The following CASP5 variants were observed in gnomAD, a reference collection of about 807,000 sequenced individuals.
The protein encoded by CASP5 is caspase 5, also known as caspase-5.
Under a neutral mutation model 45.2 loss-of-function variants are expected in CASP5, and 42 were observed. That is an observed-to-expected ratio of 0.93 (90% CI 0.73 to 1.20). The LOEUF (loss-of-function observed/expected upper bound fraction) is 1.20. CASP5 is among the 50% of genes most tolerant of loss of function. CASP5 has a pLI of 0.00. For missense variants in CASP5, 512 were observed against 532.2 expected (o/e 0.96, Z 0.37); for synonymous variants, 209 against 186.2 (o/e 1.12, Z -1.00).
chr11:105,013,799 A>G (rs1862461460), intron 1 of CASP5, among the ~76,000 whole-genome samples: 2 of 151,934 alleles, frequency 1.3e-5, no homozygotes, highest in Admixed American at 1.3e-4. Context: ...TCCATCCTTC[A>G]TTTGCTCCTC....
chr11:105,015,620 C>G (rs1201108698), intron 1 of CASP5, among the ~76,000 whole-genome samples: 1 of 152,122 alleles, frequency 6.6e-6, no homozygotes, highest in African/African-American at 2.4e-5. Context: ...TTTCTCCTAT[C>G]TATTATCTAA....
At position 105,017,030 on chromosome 11, in the gene CASP5, C is replaced by T. The variant is rs1311320409; in HGVS notation, c.7+6100G>A. Among the ~76,000 whole-genome samples, 4 of 151,668 alleles carry T rather than the reference C, an allele frequency of 2.6e-5. No homozygotes were observed. In the South Asian group the frequency reaches 6.2e-4, roughly 24 times the overall value. On this transcript the variant is annotated intron_variant, in intron 1 of 9. Coordinates refer to ENST00000260315, the MANE Select transcript of CASP5 (RefSeq NM_004347.5). Reference sequence around the variant, plus strand: ...CCCCGAGCAGCCTAACTGGGAGGCACCCCCCAGCAGGGGCAGACTGACACC... The same window carrying T: ...CCCCGAGCAGCCTAACTGGGAGGCATCCCCCAGCAGGGGCAGACTGACACC...
intron 1 of CASP5, among the ~76,000 whole-genome samples, chr11:105,019,397 A>T (rs1279349498): frequency 6.6e-6 from 1 of 150,396 alleles, no homozygotes; most frequent in Non-Finnish European, 1.5e-5. Flanking sequence ...AACAAAATTC[A>T]TAGACCGCTA....
intron 3 of CASP5, among the ~76,000 whole-genome samples, chr11:105,003,937 G>T (rs1861877311): frequency 6.6e-6 from 1 of 151,432 alleles, no homozygotes; most frequent in Non-Finnish European, 1.5e-5. Flanking sequence ...AGTTATGTCT[G>T]GTGGCTACAA....
intron 1 of CASP5, among the ~76,000 whole-genome samples, chr11:105,009,704 GATATATATATACACACATATATATATAT>G (rs1565387508): frequency 6.1e-5 from 6 of 98,468 alleles, no homozygotes; most frequent in African/African-American, 1.9e-4. Context: ...TTTACCAGGA[GATATATATATACACACATATATATATAT>G]ATATATATAT....
At position 105,002,210 on chromosome 11, in the gene CASP5, GAT is replaced by G; in HGVS notation, c.544-11_544-10del. The G allele has an allele frequency of 1.2e-6, 2 of 1,612,322 alleles. No individual in the cohort carries two copies. Among genetic ancestry groups the G allele is most frequent in the Non-Finnish European group, 1.7e-6 (2 of 1,179,238 alleles). On this transcript the variant is annotated splice_polypyrimidine_tract_variant and intron_variant, in intron 4 of 9. Transcript: ENST00000260315. ...TTTTTTATTGGATAGATCTGCAGGA[GAT>G]GGAGATGAAGCAACTTTGATTACCC...
intron 1 of CASP5, among the ~76,000 whole-genome samples, chr11:105,019,602 C>G (rs1005451742): frequency 4.0e-5 from 6 of 149,470 alleles, no homozygotes; most frequent in Non-Finnish European, 7.4e-5. Flanking sequence ...CAAGACTAAA[C>G]CAGGAAGAAG....
chr11:105,009,318 T>G (rs1157762894), intron 1 of CASP5, among the ~76,000 whole-genome samples: 1 of 151,870 alleles, frequency 6.6e-6, no homozygotes, highest in Non-Finnish European at 1.5e-5. Flanking sequence ...CTGAAGTGTG[T>G]GCACCCAGGA....
intron 9 of CASP5, chr11:104,995,089 C>T (rs1281464774): frequency 2.6e-5 from 4 of 152,224 alleles, no homozygotes; most frequent in Non-Finnish European, 2.9e-5. Context: ...ACCTGGTATT[C>T]AATCTGCGAG....
chr11:105,013,162 A>G (rs1862435213), intron 1 of CASP5, among the ~76,000 whole-genome samples: 1 of 152,070 alleles, frequency 6.6e-6, no homozygotes, highest in Non-Finnish European at 1.5e-5. Flanking sequence ...AAATAAGCCA[A>G]GCTGGGCACC....
At chr11:104,996,861 T>C (rs1225807159) in intron 8 of CASP5, among the ~76,000 whole-genome samples, 1 of 152,184 alleles carries the variant, frequency 6.6e-6, no homozygotes, top group African/African-American at 2.4e-5. Context: ...AAACCTTCCC[T>C]TCTGCCCTTT....
At chr11:105,010,426 T>G (rs1401124041) in intron 1 of CASP5, among the ~76,000 whole-genome samples, 1 of 137,686 alleles carries the variant, frequency 7.3e-6, no homozygotes, top group East Asian at 2.0e-4. Flanking sequence ...ATTATACTCA[T>G]ATAATAAATC....
chr11:104,997,532 T>C, intron 7 of CASP5, 40 bp from the exon 8 acceptor site: 2 of 1,270,506 alleles, frequency 1.6e-6, no homozygotes, highest in Non-Finnish European at 2.2e-6. Context: ...GCTACGACTT[T>C]CACTATGTTT....
intron 1 of CASP5, among the ~76,000 whole-genome samples, chr11:105,009,245 T>C (rs190966493): frequency 1.3e-5 from 2 of 151,966 alleles, no homozygotes; most frequent in African/African-American, 4.8e-5. Context: ...GGCCTAATGC[T>C]AAATTCCTGG....
At chr11:105,003,485 G>A (rs1861852496) in intron 3 of CASP5, 102 bp from the exon 4 acceptor site, 1 of 658,140 alleles carries the variant, frequency 1.5e-6, no homozygotes, top group Non-Finnish European at 2.6e-6. Flanking sequence ...CTAGGAAAAA[G>A]ACTCTTTATA....
At chr11:105,006,932 A>G in intron 3 of CASP5, 151 bp downstream of exon 3, 1 of 720,406 alleles carries the variant, frequency 1.4e-6, no homozygotes, top group Admixed American at 2.8e-5. Context: ...ATAAAAGACA[A>G]GGTGGTCTCT....
intron 3 of CASP5, among the ~76,000 whole-genome samples, chr11:105,006,823 G>T (rs371118793): frequency 2.7e-4 from 41 of 152,118 alleles, no homozygotes; most frequent in African/African-American, 9.4e-4. Flanking sequence ...TTGGGTTTAG[G>T]TATCTCCTAC....
In CASP5 at chr11:105,013,347, C is replaced by T. The variant is rs147421279; in HGVS notation, c.8-4367G>A. Among the ~76,000 whole-genome samples, 4 of 151,788 alleles carry T rather than the reference C, an allele frequency of 2.6e-5. No homozygotes were observed. The East Asian group carries it at 5.8e-4, about 22-fold the overall frequency. On this transcript the variant is annotated intron_variant, in intron 1 of 9. Transcript: ENST00000260315. ...AAGTAAGTTTAAGAAATCTATTGCA[C>T]CACATAGTGACTATAGTCAATGATG...
rs1316118561 is a variant in CASP5, at chr11:105,020,005, C to T, written c.7+3125G>A. ...TGGGATGCAAGGCTGGTTCAATATA[C>T]GCAAATCAATAAATATAATCCAGCA... On this transcript the variant is annotated intron_variant, in intron 1 of 9. Transcript: ENST00000260315. Among the ~76,000 whole-genome samples, 18 of 145,424 alleles carry T rather than the reference C, an allele frequency of 1.2e-4. 1 individual carries two copies. The highest frequency in any genetic ancestry group is 2.2e-4 in the South Asian group (1 of 4,624).
Sources: gnomAD v4.1 joint callset for allele counts (sites outside exome capture counted in the v4.1 genomes callset) on GRCh38, gnomAD v4.1.1 for gene constraint, MANE v1.5 for transcripts, NCBI Gene and HGNC (gene_info 2026-07-23, HGNC 2026-07-21) for gene names.